TRABD: variants seen among roughly 807,000 people sequenced by gnomAD.
The protein encoded by TRABD is traB domain-containing protein.
A neutral mutation model predicts 39.6 loss-of-function variants in TRABD; 23 were observed. That is an observed-to-expected ratio of 0.58 (90% CI 0.42 to 0.82). The LOEUF (loss-of-function observed/expected upper bound fraction) is 0.82, where lower values mean the gene tolerates loss of function less well. Ranked by LOEUF, TRABD falls within the 40% of genes least tolerant of loss-of-function variation. The pLI is 0.00. For missense variants in TRABD, 487 were observed against 544.9 expected, an observed-to-expected ratio of 0.89 and a Z score of 1.06; for synonymous variants, 243 against 232.1, an observed-to-expected ratio of 1.05 and a Z score of -0.43.
rs2064215413 is a variant in TRABD, at chr22:50,198,590, A to C, written c.*71A>C. 1 of 1,412,988 alleles carries C rather than the reference A, an allele frequency of 7.1e-7. No homozygotes were observed. The highest frequency in any genetic ancestry group is 1.5e-5 in the African/African-American group (1 of 68,578). The allele number at this position is 1,412,988 out of a possible 1,614,324, so 87.5% of individuals were successfully genotyped here. On this transcript the variant is annotated 3_prime_UTR_variant, in exon 10 of 10. Coordinates refer to ENST00000380909, the MANE Select transcript of TRABD (RefSeq NM_001320485.2). This position sits in a 1 kb window ranked among gnomAD's most constrained non-coding sequence, Gnocchi z 7.9. ...CGCGGCACTTCTGGGTGCCAGGTGC[A>C]TCCTAGCCCGCCCGAGGCCCCTGCC...
chr22:50,194,651 C>A, intron 4 of TRABD, 145 bp downstream of exon 4: 1 of 1,367,716 alleles, frequency 7.3e-7, no homozygotes, highest in Non-Finnish European at 9.9e-7. Flanking sequence ...CTGGGAGTGG[C>A]AAGGTGGGCT....
chr22:50,198,015 G>C lies in TRABD; in HGVS notation c.844+20G>C, dbSNP rs372976023. 56 of 1,610,718 alleles carry C rather than the reference G, an allele frequency of 3.5e-5. No individual in the cohort carries two copies. In the African/African-American group the frequency reaches 6.9e-4, roughly 20 times the overall value. ...CTGACGGTGACGGCCGCCCGCAGGC[G>C]TGGGACCCCCTGTGAGGCTGAGGCC... On this transcript the variant is annotated intron_variant, in intron 8 of 9. Coordinates refer to ENST00000380909, the MANE Select transcript of TRABD (RefSeq NM_001320485.2). This position sits in a 1 kb window ranked among gnomAD's most constrained non-coding sequence, Gnocchi z 7.9.
In TRABD at chr22:50,190,853, G is replaced by A. The variant is rs1377705898; in HGVS notation, c.-34-2174G>A. ...TTCACCTACAAAAGGGGAAGGAGGCGGCCCAAGGGTCCGGGGCCTGGTCCT... is the reference window on the plus strand; with the variant it reads ...TTCACCTACAAAAGGGGAAGGAGGCAGCCCAAGGGTCCGGGGCCTGGTCCT... On this transcript the variant is annotated intron_variant, in intron 1 of 9. Transcript: ENST00000380909. 5.3e-5 allele frequency among the ~76,000 whole-genome samples: 8 copies of A among 152,222 alleles called. No homozygotes were observed. The East Asian group carries it at 9.6e-4, about 18-fold the overall frequency.
chr22:50,187,584 G>T (rs1029120715), intron 1 of TRABD, among the ~76,000 whole-genome samples: 2 of 152,192 alleles, frequency 1.3e-5, no homozygotes, highest in Non-Finnish European at 2.9e-5. Context: ...AGGAAGCTAG[G>T]CTGCAGTCTG....
intron 7 of TRABD, 54 bp from the exon 8 acceptor site, chr22:50,197,769 A>AAC: frequency 1.4e-6 from 1 of 706,074 alleles, no homozygotes; most frequent in Non-Finnish European, 2.0e-6. Context: ...TGCCAGCCCC[A>AAC]CCCCCCCAGC....
intron 1 of TRABD, among the ~76,000 whole-genome samples, chr22:50,187,705 T>G (rs895585975): frequency 3.3e-5 from 5 of 152,042 alleles, no homozygotes; most frequent in Non-Finnish European, 7.4e-5. Flanking sequence ...CTGGGCTGGG[T>G]GTGGTGGTTC....
Position 50,198,102 on chromosome 22 carries a change from T to G in TRABD, c.872T>G (p.Val291Gly). 1 of 1,612,764 alleles carries G rather than the reference T, an allele frequency of 6.2e-7. No homozygotes were observed. Among genetic ancestry groups the G allele is most frequent in the Non-Finnish European group, 8.5e-7 (1 of 1,179,732 alleles). The change falls in exon 9 of 10, where the codon GTG becomes GGG. Residue 291 changes from valine (V) to glycine (G), a missense_variant. Coordinates refer to ENST00000380909, the MANE Select transcript of TRABD (RefSeq NM_001320485.2). This position sits in a 1 kb window ranked among gnomAD's most constrained non-coding sequence, Gnocchi z 7.9. Reference sequence around the variant, plus strand: ...GAGCCCAGGAAGTGCGTCCCCTCCGTGGTCGTGGGCGTCGTGGGCATGGGC... The same window carrying G: ...GAGCCCAGGAAGTGCGTCCCCTCCGGGGTCGTGGGCGTCGTGGGCATGGGC... ...DAEPRKCVPS[V>G]VVGVVGMGHV...
chr22:50,191,244 G>T (rs1001705826), intron 1 of TRABD, among the ~76,000 whole-genome samples: 1 of 152,146 alleles, frequency 6.6e-6, no homozygotes, highest in African/African-American at 2.4e-5. Flanking sequence ...GGGGCCTCTG[G>T]TTGCACTGAG....
At position 50,198,096 on chromosome 22, in the gene TRABD, C is replaced by T. The variant is rs777137468; in HGVS notation, c.866C>T (p.Pro289Leu). ...ASDAEPRKCV[P>L]SVVVGVVGMG... ...ACAGCCGAGCCCAGGAAGTGCGTCC[C>T]CTCCGTGGTCGTGGGCGTCGTGGGC... The change falls in exon 9 of 10, where the codon CCC (proline) becomes CTC (leucine). Residue 289 changes from proline to leucine, a missense_variant. Coordinates refer to ENST00000380909, the MANE Select transcript of TRABD (RefSeq NM_001320485.2). This position sits in a 1 kb window ranked among gnomAD's most constrained non-coding sequence, Gnocchi z 7.9. The T allele has an allele frequency of 6.2e-7, 1 of 1,612,784 alleles. No homozygotes were observed. Among genetic ancestry groups the T allele is most frequent in the Non-Finnish European group, 8.5e-7 (1 of 1,179,726 alleles).
rs762870763 is a variant in TRABD, at chr22:50,194,923, C to T, written c.303C>T (p.Asp101=). Residue 101 remains aspartate, a synonymous_variant, in exon 5 of 10, where the codon GAC becomes GAT. Coordinates refer to ENST00000380909, the MANE Select transcript of TRABD (RefSeq NM_001320485.2). ...AGACCATCCGGGAGGTGCAGCCTGA[C>T]GTGGTGGTCGTGGAGCTCTGCCAAT... ...VVKTIREVQP[D]VVVVELCQYR... The T allele has an allele frequency of 2.0e-5, 32 of 1,612,842 alleles. 1 individual carries two copies. The highest frequency in any genetic ancestry group is 2.0e-4 in the South Asian group (18 of 91,080).
In TRABD at chr22:50,197,969, G is replaced by T. The variant is rs773211387; in HGVS notation, c.818G>T (p.Arg273Leu). ...TACATGCTGCGCCAGGCCGCGCGGCGCCTCGAGCTGCCTCGGGCCTCTGAC... is the reference window on the plus strand; with the variant it reads ...TACATGCTGCGCCAGGCCGCGCGGCTCCTCGAGCTGCCTCGGGCCTCTGAC... ...LTYMLRQAAR[R>L]LELPRASDAE... The change falls in exon 8 of 10, where the codon CGC (arginine) becomes CTC (leucine). Residue 273 changes from arginine to leucine, a missense_variant. Arg to Leu is a moderately radical substitution (Grantham distance 102). Transcript: ENST00000380909. 1.2e-6 allele frequency: 2 copies of T among 1,612,298 alleles called. No individual in the cohort carries two copies. The highest frequency in any genetic ancestry group is 1.7e-5 in the Admixed American group (1 of 60,006).
rs1018282943 is a variant in TRABD at position 50,192,914 on chromosome 22, A to G, written c.-34-113A>G. ...AGGCATTTGGGGATATGGGGGAAGG[A>G]GCCCCCAGGCCCACCCAACAGATGG... On this transcript the variant is annotated intron_variant, in intron 1 of 9. Transcript: ENST00000380909. 6 of 981,862 alleles carry G rather than the reference A, an allele frequency of 6.1e-6. No homozygotes were observed. The African/African-American group carries it at 6.5e-5, about 11-fold the overall frequency. 60.8% of individuals were successfully genotyped at this position (981,862 alleles called of 1,614,324 possible). A position where few individuals can be genotyped will look rare whatever the true frequency, so the allele number is the denominator to read the frequency against.
At chr22:50,197,022 C>T in intron 5 of TRABD, 2 of 563,246 alleles carry the variant, frequency 3.6e-6, no homozygotes, top group Non-Finnish European at 6.3e-6. Flanking sequence ...CTGAAGGGAG[C>T]TACCTTTGAG....
Position 50,194,963 on chromosome 22 carries a change from C to G in TRABD, c.343C>G (p.Leu115Val). Residue 115 changes from leucine to valine, a missense_variant, in exon 5 of 10, where the codon CTG becomes GTG. Leu to Val is a conservative substitution (Grantham distance 32). Coordinates refer to ENST00000380909, the MANE Select transcript of TRABD (RefSeq NM_001320485.2). Reference protein sequence around the residue: ...VELCQYRVSMLKMDESTLLRE... With the variant: ...VELCQYRVSMVKMDESTLLRE... The stretch of plus-strand genomic sequence containing the variant: ...GCTCTGCCAATATCGTGTGTCCATG[C>G]TGAAGATGGACGAGAGCACGCTGCT... 1 of 1,612,728 alleles carries G rather than the reference C, an allele frequency of 6.2e-7. No individual in the cohort carries two copies.
At chr22:50,193,974 G>A (rs1448295539) in intron 3 of TRABD, among the ~76,000 whole-genome samples, 1 of 102,302 alleles carries the variant, frequency 9.8e-6, no homozygotes, top group South Asian at 3.6e-4. Context: ...TCCTGAGTGG[G>A]GTGGGGGGGC....
Position 50,197,371 on chromosome 22 carries a change from G to A in TRABD, c.531+20G>A, listed in dbSNP as rs780857147. ...AAGGAGGTGGGCACAGGGTGAGGTA[G>A]GGGGTGGCCACAGGGATGTGGCTCA... On this transcript the variant is annotated intron_variant, in intron 6 of 9. Transcript: ENST00000380909. The A allele has an allele frequency of 1.9e-5, 30 of 1,613,262 alleles. No homozygotes were observed. Among genetic ancestry groups the A allele is most frequent in the Non-Finnish European group, 2.5e-5 (29 of 1,179,722 alleles).
At chr22:50,197,763 A>AGCCCCCCCCCCCCCCCCCCCTG in intron 7 of TRABD, 60 bp from the exon 8 acceptor site, 23 of 1,439,676 alleles carry the variant, frequency 1.6e-5, no homozygotes, top group East Asian at 6.9e-5. Flanking sequence ...CCACAGTGCC[A>AGCCCCCCCCCCCCCCCCCCCTG]GCCCCACCCC....
intron 1 of TRABD, among the ~76,000 whole-genome samples, chr22:50,191,305 C>A (rs1181381302): frequency 6.6e-6 from 1 of 152,186 alleles, no homozygotes; most frequent in Non-Finnish European, 1.5e-5. Flanking sequence ...AGCCCCTGAG[C>A]TGCCCTCCTA....
At chr22:50,193,544 A>G (rs2063984355) in intron 2 of TRABD, 32 bp from the exon 3 acceptor site, 3 of 1,609,806 alleles carry the variant, frequency 1.9e-6, no homozygotes, top group Middle Eastern at 1.6e-4. Context: ...GGGTGCATGG[A>G]CCCTGACTTG....
Sources: allele counts gnomAD v4.1 joint callset (sites outside exome capture counted in the v4.1 genomes callset), GRCh38; gene constraint gnomAD v4.1.1; non-coding constraint Gnocchi (gnomAD v3.1); transcripts MANE v1.5; gene names NCBI Gene and HGNC (gene_info 2026-07-23, HGNC 2026-07-21).